CHN1: variants seen among roughly 807,000 people sequenced by gnomAD.
The protein encoded by CHN1 is chimerin 1, also known as N-chimaerin.
In CHN1, 37 loss-of-function variants were observed where a neutral mutation model predicts 59.5. That is an observed-to-expected ratio of 0.62 (90% CI 0.48 to 0.82). CHN1 has a LOEUF of 0.82. Among genes scored for constraint, CHN1 ranks in the 40% least tolerant of loss-of-function variants. The probability of loss-of-function intolerance (pLI) is 0.00; values close to 1 mark genes in which losing one functional copy is unlikely to be tolerated. For missense variants in CHN1, 469 were observed against 571.0 expected (o/e 0.82, Z 1.82); for synonymous variants, 206 against 200.4 (o/e 1.03, Z -0.24).
chr2:174,830,554 C>G (rs140511967), intron 7 of CHN1, among the ~76,000 whole-genome samples: 2 of 152,318 alleles, frequency 1.3e-5, no homozygotes, highest in East Asian at 3.9e-4. Context: ...CAGTTAAGCA[C>G]TGACACTATG....
At chr2:174,946,327 A>C (rs908534234) in intron 2 of CHN1, among the ~76,000 whole-genome samples, 1 of 152,190 alleles carries the variant, frequency 6.6e-6, no homozygotes, top group Non-Finnish European at 1.5e-5. Context: ...GATTACTAGG[A>C]TGCATCTTGA....
intron 1 of CHN1, among the ~76,000 whole-genome samples, chr2:175,000,436 C>A (rs1308212039): frequency 1.3e-5 from 2 of 151,780 alleles, no homozygotes; most frequent in Non-Finnish European, 2.9e-5. Flanking sequence ...CCACACCTGG[C>A]CTGATTTTTT....
intron 1 of CHN1, among the ~76,000 whole-genome samples, chr2:174,986,418 G>A (rs1489163671): frequency 6.6e-6 from 1 of 152,092 alleles, no homozygotes; most frequent in African/African-American, 2.4e-5. Context: ...ATAACCAAAA[G>A]TTTACAGATT....
rs1477640870 is a variant in CHN1 at position 174,953,706 on chromosome 2, C to A, written c.20-1504G>T. ...AACAAACAAAAAACAAAAACAAAAACCAAAAAAACTTAGGAATACACATAA... is the reference window on the plus strand; with the variant it reads ...AACAAACAAAAAACAAAAACAAAAAACAAAAAAACTTAGGAATACACATAA... On this transcript the variant is annotated intron_variant, in intron 1 of 12. Transcript: ENST00000409900. Among the ~76,000 whole-genome samples, 15 of 151,916 alleles carry A rather than the reference C, an allele frequency of 9.9e-5. No homozygotes were observed. The East Asian group carries it at 2.1e-3, about 22-fold the overall frequency.
chr2:174,811,060 G>A (rs1267457747), intron 10 of CHN1: 2 of 152,696 alleles, frequency 1.3e-5, no homozygotes, highest in Non-Finnish European at 2.9e-5. Flanking sequence ...TCAGCTTTCT[G>A]GCCCCAAAAC....
chr2:174,880,487 A>G lies in CHN1; in HGVS notation c.261-2359T>C, dbSNP rs148717974. The stretch of plus-strand genomic sequence containing the variant: ...TAGAAGAAGAGAAAGAAGACAGAAA[A>G]TCTTTGAGAAAGGTGGGAATGGATG... On this transcript the variant is annotated intron_variant, in intron 5 of 12. Coordinates refer to ENST00000409900, the MANE Select transcript of CHN1 (RefSeq NM_001822.7). 2.6e-3 allele frequency among the ~76,000 whole-genome samples: 402 copies of G among 152,300 alleles called. 1 individual carries two copies. The highest frequency in any genetic ancestry group is 9.2e-3 in the African/African-American group (383 of 41,576).
intron 2 of CHN1, among the ~76,000 whole-genome samples, chr2:174,948,441 G>A (rs376887664): frequency 3.9e-5 from 6 of 152,070 alleles, no homozygotes; most frequent in African/African-American, 1.4e-4. Flanking sequence ...ACTGAAAAGC[G>A]ACAAAACCGT....
chr2:174,980,583 A>T (rs1054462700), intron 1 of CHN1, among the ~76,000 whole-genome samples: 1 of 152,210 alleles, frequency 6.6e-6, no homozygotes, highest in African/African-American at 2.4e-5. Flanking sequence ...AGCTTAAAGT[A>T]AAATTGGAAG....
At chr2:174,888,419 A>G (rs1281650341) in intron 5 of CHN1, among the ~76,000 whole-genome samples, 1 of 152,212 alleles carries the variant, frequency 6.6e-6, no homozygotes, top group East Asian at 1.9e-4. Flanking sequence ...CGGCGATTGT[A>G]GCCTGGGGAT....
At chr2:174,953,382 A>G (rs375987234) in intron 1 of CHN1, among the ~76,000 whole-genome samples, 4 of 152,340 alleles carry the variant, frequency 2.6e-5, no homozygotes, top group African/African-American at 9.6e-5. Flanking sequence ...CATAACATGG[A>G]AATTTTAAAT....
chr2:174,944,980 T>C, intron 2 of CHN1, 37 bp from the exon 3 acceptor site: 1 of 1,447,252 alleles, frequency 6.9e-7, no homozygotes, highest in East Asian at 2.4e-5. Flanking sequence ...TCAATGTCCC[T>C]TACATAGAAC....
chr2:174,936,556 TA>T (rs1291357702), intron 3 of CHN1, among the ~76,000 whole-genome samples: 1 of 152,092 alleles, frequency 6.6e-6, no homozygotes, highest in Admixed American at 6.6e-5. Context: ...ACCAAGTGCT[TA>T]ACATGAAATA....
intron 1 of CHN1, among the ~76,000 whole-genome samples, chr2:174,993,544 T>G (rs1691615848): frequency 2.0e-5 from 3 of 151,384 alleles, no homozygotes; most frequent in Admixed American, 1.3e-4. Context: ...TACAGAGACT[T>G]CTCTTTCAAT....
At chr2:174,801,339 C>CTTGCAAGTTGCAAG (rs55966265) in intron 12 of CHN1, among the ~76,000 whole-genome samples, 3 of 151,128 alleles carry the variant, frequency 2.0e-5, no homozygotes, top group East Asian at 2.0e-4. Context: ...AGTGAGCTGC[C>CTTGCAAGTTGCAAG]TTGCAAGTTG....
At chr2:174,820,326 A>G (rs549230709) in intron 8 of CHN1, among the ~76,000 whole-genome samples, 1 of 152,280 alleles carries the variant, frequency 6.6e-6, no homozygotes, top group Non-Finnish European at 1.5e-5. Flanking sequence ...CCTCTCCAGC[A>G]CCTGTTGTTT....
At chr2:174,943,679 TATC>T (rs1462160409) in intron 3 of CHN1, among the ~76,000 whole-genome samples, 19 of 152,144 alleles carry the variant, frequency 1.2e-4, no homozygotes, top group Admixed American at 1.2e-3. Flanking sequence ...ATCCACTCCT[TATC>T]ATATTATTAT....
intron 5 of CHN1, among the ~76,000 whole-genome samples, chr2:174,891,841 G>C (rs1434793689): frequency 6.6e-6 from 1 of 151,990 alleles, no homozygotes; most frequent in Non-Finnish European, 1.5e-5. Flanking sequence ...CTATGAGTTA[G>C]TTTTTTAAAA....
chr2:174,988,289 G>A (rs1023785459), intron 1 of CHN1, among the ~76,000 whole-genome samples: 18 of 151,122 alleles, frequency 1.2e-4, no homozygotes, highest in Admixed American at 1.1e-3. Context: ...CCCGGGAGGC[G>A]GAGCTTGCAG....
intron 7 of CHN1, among the ~76,000 whole-genome samples, chr2:174,836,164 C>T (rs1209086526): frequency 6.6e-6 from 1 of 152,184 alleles, no homozygotes; most frequent in Non-Finnish European, 1.5e-5. Context: ...CCTCCATGTG[C>T]TGTGGCCTGG....
Sources: gnomAD v4.1 joint callset for allele counts (sites outside exome capture counted in the v4.1 genomes callset) on GRCh38, gnomAD v4.1.1 for gene constraint, MANE v1.5 for transcripts, NCBI Gene and HGNC (gene_info 2026-07-23, HGNC 2026-07-21) for gene names.